ADK: variants seen among roughly 807,000 people sequenced by gnomAD.
ADK encodes N6,N6-dimethyladenosine kinase.
ADK carries 24 observed loss-of-function variants against 44.7 expected under a neutral mutation model. That is an observed-to-expected ratio of 0.54 (90% CI 0.39 to 0.76). The LOEUF is 0.76. Ranked by LOEUF, ADK falls within the 30% of genes least tolerant of loss-of-function variation. The probability of loss-of-function intolerance (pLI) is 0.00; values close to 1 mark genes in which losing one functional copy is unlikely to be tolerated. For missense variants in ADK, 321 were observed against 425.1 expected (o/e 0.76, Z 2.15); for synonymous variants, 128 against 142.6 (o/e 0.90, Z 0.73).
At chr10:74,678,402 AAG>A (rs1484394770) in intron 10 of ADK, among the ~76,000 whole-genome samples, 2 of 152,250 alleles carry the variant, frequency 1.3e-5, no homozygotes, top group Non-Finnish European at 2.9e-5. Flanking sequence ...GATTTAAAAA[AAG>A]AGAGAGAGAA....
chr10:74,403,788 A>G (rs1009181870), intron 6 of ADK, among the ~76,000 whole-genome samples: 1 of 152,120 alleles, frequency 6.6e-6, no homozygotes, highest in African/African-American at 2.4e-5. Flanking sequence ...CTGGTACCTC[A>G]GTTGGAAATG....
chr10:74,675,755 C>A lies in ADK; in HGVS notation c.964+5486C>A, dbSNP rs1330024706. ...GCACTGTCATTGTTCCCAGTGAAAT[C>A]TCTTCCCCTGTGTCTTCCCAGTAAA... On this transcript the variant is annotated intron_variant, in intron 10 of 10. Coordinates refer to ENST00000539909, the MANE Select transcript of ADK (RefSeq NM_006721.4). 2.0e-5 allele frequency among the ~76,000 whole-genome samples: 3 copies of A among 152,162 alleles called. No individual in the cohort carries two copies. In the East Asian group the frequency reaches 5.8e-4, roughly 29 times the overall value.
chr10:74,191,037 A>G (rs905637170), intron 1 of ADK, among the ~76,000 whole-genome samples: 2 of 150,190 alleles, frequency 1.3e-5, no homozygotes, highest in South Asian at 2.1e-4. Context: ...CTGAAGTGCA[A>G]TGGTGTAATT....
rs10693309 is a variant in ADK at position 74,177,945 on chromosome 10, A to ATATATATATAT, written c.66-22818_66-22817insATATATATATT. Reference sequence around the variant, plus strand: ...TAATTATATATATATATATATATATATTTTTTTTTTTTTGAGACAGAGTTT... The same window carrying ATATATATATAT: ...TAATTATATATATATATATATATATATATATATATATTTTTTTTTTTTTTGAGACAGAGTTT... On this transcript the variant is annotated intron_variant, in intron 1 of 10. Coordinates refer to ENST00000539909, the MANE Select transcript of ADK (RefSeq NM_006721.4). Among the ~76,000 whole-genome samples the ATATATATATAT allele has an allele frequency of 3.6e-4, 39 of 108,962 alleles. No homozygotes were observed. The South Asian group carries it at 3.7e-3, about 10-fold the overall frequency. The allele number at this position is 108,962 out of a possible 152,430, so 71.5% of individuals were successfully genotyped here. A position where few individuals can be genotyped will look rare whatever the true frequency, so the allele number is the denominator to read the frequency against.
At chr10:74,704,334 T>C (rs1856526999) in intron 10 of ADK, among the ~76,000 whole-genome samples, 1 of 152,200 alleles carries the variant, frequency 6.6e-6, no homozygotes, top group African/African-American at 2.4e-5. Context: ...AATAGTAAAT[T>C]TTATGTTACG....
At chr10:74,441,238 C>G (rs767075891) in intron 6 of ADK, among the ~76,000 whole-genome samples, 1 of 152,078 alleles carries the variant, frequency 6.6e-6, no homozygotes, top group Non-Finnish European at 1.5e-5. Context: ...ATCTTAACAC[C>G]CACTAGGATG....
intron 6 of ADK, among the ~76,000 whole-genome samples, chr10:74,399,702 G>A (rs1401179121): frequency 6.6e-6 from 1 of 151,802 alleles, no homozygotes; most frequent in Non-Finnish European, 1.5e-5. Context: ...TTCTTGTAGT[G>A]TGATTCTTTA....
intron 7 of ADK, among the ~76,000 whole-genome samples, chr10:74,546,185 T>C (rs1236084968): frequency 6.6e-6 from 1 of 152,214 alleles, no homozygotes; most frequent in African/African-American, 2.4e-5. Context: ...TTTTGCGTGA[T>C]GCTGAGGATT....
intron 6 of ADK, among the ~76,000 whole-genome samples, chr10:74,470,759 C>G (rs1846555077): frequency 6.6e-6 from 1 of 151,650 alleles, no homozygotes; most frequent in South Asian, 2.1e-4. Flanking sequence ...CTGTTGTTTC[C>G]TTTGCTGTGC....
At chr10:74,182,348 T>TTTTATTTATTTATTTATTTATTTATTTA (rs370735383) in intron 1 of ADK, among the ~76,000 whole-genome samples, 6 of 145,650 alleles carry the variant, frequency 4.1e-5, no homozygotes, top group South Asian at 2.2e-4. Context: ...ACAGAAATCT[T>TTTTATTTATTTATTTATTTATTTATTTA]TTTATTTATT....
chr10:74,313,643 A>C (rs980578653), intron 3 of ADK, among the ~76,000 whole-genome samples: 4 of 151,928 alleles, frequency 2.6e-5, no homozygotes, highest in Non-Finnish European at 5.9e-5. Context: ...ATGGGGTCCT[A>C]GTCCCTAATC....
At position 74,314,682 on chromosome 10, in the gene ADK, G is replaced by GA; in HGVS notation, c.216dup (p.Phe73IlefsTer16). 1 of 1,612,540 alleles carries GA rather than the reference G, an allele frequency of 6.2e-7. No homozygotes were observed. The highest frequency in any genetic ancestry group is 8.5e-7 in the Non-Finnish European group (1 of 1,179,046). On this transcript the variant is annotated frameshift_variant, in exon 4 of 11. Transcript: ENST00000539909. LOFTEE classifies it high-confidence loss of function. ...TTCCTTATAGGTTTGATGAACTTGT[G>GA]AAAAAATTCAAAGTCGAATATCATG...
At chr10:74,679,919 C>T (rs987200297) in intron 10 of ADK, among the ~76,000 whole-genome samples, 2 of 151,940 alleles carry the variant, frequency 1.3e-5, no homozygotes, top group African/African-American at 4.8e-5. Context: ...GATGGCACCA[C>T]CACACTCTAG....
At chr10:74,526,920 T>C (rs1040859371) in intron 7 of ADK, among the ~76,000 whole-genome samples, 2 of 152,252 alleles carry the variant, frequency 1.3e-5, no homozygotes, top group African/African-American at 4.8e-5. Context: ...CATTAAAGCA[T>C]TGGTCTCAGT....
intron 10 of ADK, 40 bp downstream of exon 10, chr10:74,670,309 C>T: frequency 1.4e-6 from 2 of 1,474,982 alleles, no homozygotes; most frequent in Non-Finnish European, 1.9e-6. Context: ...ACAAGTAAAA[C>T]ATTTTAACCC....
chr10:74,612,450 A>T (rs1375202072), intron 9 of ADK, among the ~76,000 whole-genome samples: 1 of 152,042 alleles, frequency 6.6e-6, no homozygotes, highest in South Asian at 2.1e-4. Flanking sequence ...GCATTTGTTC[A>T]TGTCCCTTGC....
At chr10:74,578,532 A>G (rs1286680792) in intron 7 of ADK, among the ~76,000 whole-genome samples, 1 of 152,218 alleles carries the variant, frequency 6.6e-6, no homozygotes, top group Non-Finnish European at 1.5e-5. Context: ...ACCATAGATA[A>G]TATGGAAACA....
chr10:74,571,913 G>A (rs1850980135), intron 7 of ADK, among the ~76,000 whole-genome samples: 1 of 152,114 alleles, frequency 6.6e-6, no homozygotes, highest in African/African-American at 2.4e-5. Context: ...ACGTGAGATG[G>A]GTTTCCTGAA....
rs150599773 is a variant in ADK, at chr10:74,453,819, CTTTGT to C, written c.555+55244_555+55248del. 9.5e-3 allele frequency among the ~76,000 whole-genome samples: 1,436 copies of C among 151,924 alleles called. 17 individuals carry two copies. Among genetic ancestry groups the C allele is most frequent in the South Asian group, 0.019 (89 of 4,800 alleles). On this transcript the variant is annotated intron_variant, in intron 6 of 10. Transcript: ENST00000539909. ...TTTGGTTTTGTGTTTTCAAAAGCTG[CTTTGT>C]TTTAAGCATATAAATATTCATGATA... is the stretch of plus-strand genomic sequence containing the variant.
Sources: allele counts gnomAD v4.1 joint callset (sites outside exome capture counted in the v4.1 genomes callset), GRCh38; gene constraint gnomAD v4.1.1; transcripts MANE v1.5; gene names NCBI Gene and HGNC (gene_info 2026-07-23, HGNC 2026-07-21).